The following MCF2L variants were observed in gnomAD, a reference collection of about 807,000 sequenced individuals.
MCF2L encodes the protein guanine nucleotide exchange factor DBS.
Under a neutral mutation model 153.4 loss-of-function variants are expected in MCF2L, and 97 were observed. That is an observed-to-expected ratio of 0.63 (90% CI 0.54 to 0.75). MCF2L has a LOEUF of 0.75. Ranked by LOEUF, MCF2L falls within the 30% of genes least tolerant of loss-of-function variation. MCF2L has a pLI of 0.00. For synonymous variants in MCF2L, 659 were observed against 632.2 expected, an observed-to-expected ratio of 1.04 and a Z score of -0.64; for missense variants, 1,347 against 1,495.2, an observed-to-expected ratio of 0.90 and a Z score of 1.64.
In MCF2L at chr13:113,028,750, G is replaced by A. The variant is rs115837845; in HGVS notation, c.278+3992G>A. Among the ~76,000 whole-genome samples, 1,234 of 152,316 alleles carry A rather than the reference G, an allele frequency of 8.1e-3. 25 individuals carry two copies. The highest frequency in any genetic ancestry group is 0.028 in the African/African-American group (1,174 of 41,574). On this transcript the variant is annotated intron_variant, in intron 3 of 29. Coordinates refer to ENST00000535094, the MANE Select transcript of MCF2L (RefSeq NM_001112732.3). This position sits in a 1 kb window ranked among gnomAD's most constrained non-coding sequence, Gnocchi z 5.4. ...TCAGCCATGAGCAGTGCTGCTGACC[G>A]TGGAGCTGTTTCCCCCACCAGACTC...
At chr13:112,899,090 G>T (rs1295483490) in intron 1 of MCF2L, among the ~76,000 whole-genome samples, 1 of 152,244 alleles carries the variant, frequency 6.6e-6, no homozygotes, top group Non-Finnish European at 1.5e-5. Flanking sequence ...CCTGACATTT[G>T]TGTCCTCGGC....
At chr13:112,968,103 T>A, upstream of MCF2L, 1 of 195,742 alleles carries the variant, frequency 5.1e-6, no homozygotes, top group South Asian at 6.0e-5. Flanking sequence ...TGGAATTCTC[T>A]CTCTCTCTCT....
In MCF2L at chr13:113,074,206, T is replaced by C. The variant is rs1053020617; in HGVS notation, c.997-238T>C. Among the ~76,000 whole-genome samples the C allele has an allele frequency of 1.3e-5, 2 of 152,064 alleles. No homozygotes were observed. The highest frequency in any genetic ancestry group is 6.5e-5 in the Admixed American group (1 of 15,272). ...GCACACACAAGCCACAGAGAAACAA[T>C]TGTTCTGCCAGTGAGGTCACTGGTG... is the stretch of plus-strand genomic sequence containing the variant. On this transcript the variant is annotated intron_variant, in intron 9 of 29. Transcript: ENST00000535094. The surrounding 1 kb of genome is among the most constrained non-coding windows in gnomAD (Gnocchi z 4.2).
At chr13:113,029,125 A>G (rs1195012135) in intron 3 of MCF2L, among the ~76,000 whole-genome samples, 1 of 152,150 alleles carries the variant, frequency 6.6e-6, no homozygotes, top group Non-Finnish European at 1.5e-5. Flanking sequence ...ACAAAACCCA[A>G]CCTGTGTGAA....
intron 3 of MCF2L, among the ~76,000 whole-genome samples, chr13:113,034,623 C>T (rs1304636506): frequency 2.0e-5 from 3 of 151,430 alleles, no homozygotes; most frequent in Admixed American, 6.6e-5. Flanking sequence ...GTCTCACCCT[C>T]GCCCTGGTCT....
chr13:113,001,972 A>G, intron 1 of MCF2L: 1 of 1,587,304 alleles, frequency 6.3e-7, no homozygotes, highest in Non-Finnish European at 8.5e-7. Flanking sequence ...CTGCTGCTGA[A>G]GGCCGGCGCA....
At chr13:113,030,359 G>A in intron 3 of MCF2L, among the ~76,000 whole-genome samples, 1 of 138,000 alleles carries the variant, frequency 7.2e-6, no homozygotes, top group Middle Eastern at 4.5e-3. Flanking sequence ...ACTCTCAGGT[G>A]TCCGCTGACG....
At chr13:113,090,175 T>C (rs1295042655) in intron 26 of MCF2L, 9 of 1,523,128 alleles carry the variant, frequency 5.9e-6, no homozygotes, top group Non-Finnish European at 8.0e-6. Context: ...AAGTAGTGCC[T>C]GCCCCAAACC....
intron 27 of MCF2L, 172 bp from the exon 28 acceptor site, chr13:113,096,199 A>G (rs926348094): frequency 8.1e-6 from 5 of 617,354 alleles, no homozygotes; most frequent in Non-Finnish European, 8.6e-6. Flanking sequence ...TGCGGTAGTC[A>G]TGCCCTGCGG....
At chr13:112,902,304 C>T (rs2081126947) in exon 2 of MCF2L, 1 of 1,612,902 alleles carries the variant, frequency 6.2e-7, no homozygotes. Context: ...AAACGGATCA[C>T]CAAATTGATG....
chr13:112,999,288 A>G lies in MCF2L; in HGVS notation c.80-15475A>G, dbSNP rs915936142. Among the ~76,000 whole-genome samples the G allele has an allele frequency of 7.2e-5, 11 of 152,118 alleles. No homozygotes were observed. The South Asian group carries it at 1.9e-3, about 26-fold the overall frequency. ...ACAGCCTTTGCCCACCAGAAACTTC[A>G]GTGTGACAAGACATCGGGGGCCAGG... On this transcript the variant is annotated intron_variant, in intron 1 of 29. Transcript: ENST00000535094.
Position 113,084,074 on chromosome 13 carries a change from G to A in MCF2L, c.2061+7G>A. The A allele has an allele frequency of 6.2e-7, 1 of 1,612,784 alleles. No individual in the cohort carries two copies. Among genetic ancestry groups the A allele is most frequent in the Non-Finnish European group, 8.5e-7 (1 of 1,178,862 alleles). ...AAGATGCTTTCTGGAGAGGGTAGGT[G>A]GTGTTTTGACGTGTATTTTGTCACA... On this transcript the variant is annotated splice_region_variant and intron_variant, in intron 18 of 29. Coordinates refer to ENST00000535094, the MANE Select transcript of MCF2L (RefSeq NM_001112732.3).
intron 1 of MCF2L, among the ~76,000 whole-genome samples, chr13:112,895,089 C>T (rs1479496974): frequency 6.6e-6 from 1 of 152,198 alleles, no homozygotes; most frequent in Non-Finnish European, 1.5e-5. Flanking sequence ...CGGACTCCTC[C>T]TGGGAGCTCC....
intron 26 of MCF2L, among the ~76,000 whole-genome samples, chr13:113,092,730 C>A (rs925823403): frequency 1.3e-5 from 2 of 152,282 alleles, no homozygotes; most frequent in African/African-American, 4.8e-5. Flanking sequence ...TGTGGCTGCC[C>A]ACTCCCAGGC....
In MCF2L at chr13:113,081,486, G is replaced by A. The variant is rs1401505585; in HGVS notation, c.1875+207G>A. 2.0e-5 allele frequency among the ~76,000 whole-genome samples: 3 copies of A among 152,388 alleles called. No homozygotes were observed. The East Asian group carries it at 5.8e-4, about 29-fold the overall frequency. ...CAGACCAGGCAGCTCAGGGGGGTCC[G>A]TACAGGGGACAAGTGTAGTGATAAG... is the stretch of plus-strand genomic sequence containing the variant. On this transcript the variant is annotated intron_variant, in intron 16 of 29. Transcript: ENST00000535094.
chr13:112,920,232 C>T (rs1360747140), intron 2 of MCF2L, among the ~76,000 whole-genome samples: 1 of 152,038 alleles, frequency 6.6e-6, no homozygotes, highest in African/African-American at 2.4e-5. Flanking sequence ...TGGGAGGAGG[C>T]GTGTGTCTGT....
At chr13:113,082,899 T>A (rs1383461140) in intron 17 of MCF2L, among the ~76,000 whole-genome samples, 2 of 152,100 alleles carry the variant, frequency 1.3e-5, no homozygotes, top group African/African-American at 2.4e-5. Context: ...CGGAACCCCC[T>A]CCCAGGTGTG....
intron 3 of MCF2L, among the ~76,000 whole-genome samples, chr13:113,036,903 A>T (rs577974689): frequency 6.6e-6 from 1 of 152,312 alleles, no homozygotes; most frequent in Non-Finnish European, 1.5e-5. Flanking sequence ...CCTCACTCTC[A>T]AATCATCACA....
chr13:113,025,689 A>ATGG, intron 3 of MCF2L, among the ~76,000 whole-genome samples: 1 of 75,886 alleles, frequency 1.3e-5, no homozygotes, highest in African/African-American at 4.8e-5. Flanking sequence ...TTTCCCTGTC[A>ATGG]TGGGGTCCCC....
Sources: gnomAD v4.1 joint callset for allele counts (sites outside exome capture counted in the v4.1 genomes callset) on GRCh38, gnomAD v4.1.1 for gene constraint, Gnocchi (gnomAD v3.1) non-coding constraint, MANE v1.5 for transcripts, NCBI Gene and HGNC (gene_info 2026-07-23, HGNC 2026-07-21) for gene names.